CCDC88C: variants seen among roughly 807,000 people sequenced by gnomAD.
CCDC88C encodes the protein protein Daple.
A neutral mutation model predicts 198.8 loss-of-function variants in CCDC88C; 131 were observed. The ratio of observed to expected loss-of-function variants is 0.66; its 90% CI spans 0.57 to 0.76. The LOEUF (loss-of-function observed/expected upper bound fraction) is 0.76, where lower values mean the gene tolerates loss of function less well. Ranked by LOEUF, CCDC88C falls within the 30% of genes least tolerant of loss-of-function variation. The pLI is 0.00. For synonymous variants in CCDC88C, 1,166 were observed against 1,114.7 expected (o/e 1.05, Z -0.92); for missense variants, 2,553 against 2,631.6 (o/e 0.97, Z 0.65).
intron 3 of CCDC88C, among the ~76,000 whole-genome samples, chr14:91,367,042 G>C (rs1894575088): frequency 6.6e-6 from 1 of 152,232 alleles, no homozygotes; most frequent in South Asian, 2.1e-4. Context: ...CACTAGGACA[G>C]TTGGACCAAG....
At position 91,362,670 on chromosome 14, in the gene CCDC88C, C is replaced by A. The variant is rs561363629; in HGVS notation, c.271-2959G>T. Among the ~76,000 whole-genome samples, 3 of 152,286 alleles carry A rather than the reference C, an allele frequency of 2.0e-5. No individual in the cohort carries two copies. In the East Asian group the frequency reaches 5.8e-4, roughly 29 times the overall value. ...TTTTGCCGGGCGCGGTGGCTCACGC[C>A]TGTAATCCCAGCACTTTGGGAGGCT... On this transcript the variant is annotated intron_variant, in intron 3 of 29. Transcript: ENST00000389857.
Position 91,307,773 on chromosome 14 carries a change from G to A in CCDC88C, c.3007-547C>T, listed in dbSNP as rs141724809. Among the ~76,000 whole-genome samples, 3 of 152,354 alleles carry A rather than the reference G, an allele frequency of 2.0e-5. No homozygotes were observed. The East Asian group carries it at 5.8e-4, about 29-fold the overall frequency. On this transcript the variant is annotated intron_variant, in intron 17 of 29. Coordinates refer to ENST00000389857, the MANE Select transcript of CCDC88C (RefSeq NM_001080414.4). ...GTGTACACCTGTGTGTGAGGAGCAT[G>A]TGTTTGTGTGTGGAGTGTGCACACA...
chr14:91,344,270 G>T (rs908431907), intron 4 of CCDC88C, among the ~76,000 whole-genome samples: 5 of 152,092 alleles, frequency 3.3e-5, no homozygotes, highest in African/African-American at 1.2e-4. Context: ...CACAATGGGA[G>T]AGAACAACTC....
rs1174841744 is a variant in CCDC88C, at chr14:91,348,109, G to A, written c.341-4452C>T. Among the ~76,000 whole-genome samples the A allele has an allele frequency of 4.6e-5, 7 of 152,110 alleles. No homozygotes were observed. The East Asian group carries it at 1.2e-3, about 25-fold the overall frequency. The stretch of plus-strand genomic sequence containing the variant: ...CAACCTCTGCCTCCTGGGTTCAAGC[G>A]ATTCTCCTGCCTCAGCCTCCCGAGT... On this transcript the variant is annotated intron_variant, in intron 4 of 29. Coordinates refer to ENST00000389857, the MANE Select transcript of CCDC88C (RefSeq NM_001080414.4).
chr14:91,372,542 C>A (rs868508569), intron 3 of CCDC88C, among the ~76,000 whole-genome samples: 1 of 16,176 alleles, frequency 6.2e-5, no homozygotes, highest in South Asian at 1.3e-3. Flanking sequence ...GGGGGGCGGG[C>A]GGGGGGGGGA....
intron 4 of CCDC88C, among the ~76,000 whole-genome samples, chr14:91,348,131 G>A (rs558638497): frequency 7.2e-5 from 11 of 151,904 alleles, no homozygotes; most frequent in African/African-American, 2.4e-4. Context: ...TCAGCCTCCC[G>A]AGTAGCTGGG....
intron 25 of CCDC88C, among the ~76,000 whole-genome samples, chr14:91,286,616 T>C (rs1419202005): frequency 6.6e-6 from 1 of 152,186 alleles, no homozygotes; most frequent in Non-Finnish European, 1.5e-5. Context: ...CATTATTTCT[T>C]CCTCCACAGC....
intron 10 of CCDC88C, among the ~76,000 whole-genome samples, chr14:91,332,270 C>T (rs899733191): frequency 2.0e-5 from 3 of 152,184 alleles, no homozygotes; most frequent in Non-Finnish European, 4.4e-5. Context: ...CTGAGGGCAA[C>T]CCCCATGCCC....
At position 91,313,687 on chromosome 14, in the gene CCDC88C, C is replaced by A; in HGVS notation, c.2129G>T (p.Arg710Leu). The A allele has an allele frequency of 1.2e-6, 2 of 1,611,724 alleles. No homozygotes were observed. Among genetic ancestry groups the A allele is most frequent in the Non-Finnish European group, 8.5e-7 (1 of 1,179,880 alleles). Residue 710 changes from arginine to leucine, a missense_variant, in exon 15 of 30, where the codon CGC becomes CTC. Physicochemically the swap from Arg to Leu is moderately radical, Grantham distance 102. Transcript: ENST00000389857. This position sits in a 1 kb window ranked among gnomAD's most constrained non-coding sequence, Gnocchi z 5.2. The stretch of plus-strand genomic sequence containing the variant: ...GAAGCGCATGGTCTCCACCAGCCTG[C>A]GCAGCTCCAGGTTCTCTGCGTCCAG... ...KQLDAENLEL[R>L]RLVETMRFTS...
chr14:91,417,277 G>A (rs1003834302), intron 1 of CCDC88C: 2 of 684,882 alleles, frequency 2.9e-6, no homozygotes, highest in African/African-American at 3.5e-5. Context: ...GGAAGAATGG[G>A]GTCCTTTTCG....
In CCDC88C at chr14:91,283,369, G is replaced by T; in HGVS notation, c.4590C>A (p.Ser1530=). 6.2e-7 allele frequency: 1 copy of T among 1,613,822 alleles called. No homozygotes were observed. Among genetic ancestry groups the T allele is most frequent in the Non-Finnish European group, 8.5e-7 (1 of 1,179,856 alleles). ...GGTGCCGGGCGATGGGGGTGGAGTTGGAAGGGGCTGTAGTGGTGGCTGAAG... is the reference window on the plus strand; with the variant it reads ...GGTGCCGGGCGATGGGGGTGGAGTTTGAAGGGGCTGTAGTGGTGGCTGAAG... ...CSTSATTTAP[S]NSTPIARHPG... The change falls in exon 26 of 30, where the codon TCC becomes TCA. Residue 1530 remains serine (S), a synonymous_variant. Transcript: ENST00000389857.
At chr14:91,331,383 G>C (rs1220574070) in intron 10 of CCDC88C, among the ~76,000 whole-genome samples, 2 of 152,194 alleles carry the variant, frequency 1.3e-5, no homozygotes, top group African/African-American at 4.8e-5. Context: ...TGTTGCCTGG[G>C]GCCAGAGGAG....
At chr14:91,302,009 T>C (rs1891317339) in intron 20 of CCDC88C, among the ~76,000 whole-genome samples, 1 of 152,178 alleles carries the variant, frequency 6.6e-6, no homozygotes, top group Admixed American at 6.5e-5. Context: ...AGTAGTCTTA[T>C]AGTTTCAGAT....
In CCDC88C at chr14:91,371,361, C is replaced by T. The variant is rs538946919; in HGVS notation, c.271-11650G>A. 1.3e-5 allele frequency among the ~76,000 whole-genome samples: 2 copies of T among 152,044 alleles called. No homozygotes were observed. Among genetic ancestry groups the T allele is most frequent in the South Asian group, 2.1e-4 (1 of 4,814 alleles). On this transcript the variant is annotated intron_variant, in intron 3 of 29. Coordinates refer to ENST00000389857, the MANE Select transcript of CCDC88C (RefSeq NM_001080414.4). The surrounding 1 kb of genome is among the most constrained non-coding windows in gnomAD (Gnocchi z 4.2). ...GAGAAAGTGTGGCCAGAGGAAACTA[C>T]GGTATGCATGCAGGGTGGGCTGGGA...
intron 10 of CCDC88C, among the ~76,000 whole-genome samples, chr14:91,329,956 C>T (rs1892747210): frequency 6.6e-6 from 1 of 152,266 alleles, no homozygotes; most frequent in African/African-American, 2.4e-5. Flanking sequence ...AACTACTCAA[C>T]TCCACAGAGG....
At chr14:91,292,077 C>G (rs1890685113) in intron 23 of CCDC88C, among the ~76,000 whole-genome samples, 1 of 152,286 alleles carries the variant, frequency 6.6e-6, no homozygotes, top group African/African-American at 2.4e-5. Flanking sequence ...ACAGCTCATT[C>G]TCGAAGCTGC....
chr14:91,333,818 T>C (rs914319184), intron 10 of CCDC88C, among the ~76,000 whole-genome samples: 6 of 152,146 alleles, frequency 3.9e-5, no homozygotes, highest in African/African-American at 9.7e-5. Context: ...CTGATATAGG[T>C]AGACACAGAC....
chr14:91,290,359 C>T (rs1376589288), intron 24 of CCDC88C, among the ~76,000 whole-genome samples: 1 of 152,226 alleles, frequency 6.6e-6, no homozygotes, highest in Non-Finnish European at 1.5e-5. Flanking sequence ...GTTCTGGATT[C>T]CCAGAGAGAC....
rs369474755 is a variant in CCDC88C, at chr14:91,327,014, T to C, written c.1051-958A>G. ...GGAAGAAGTCAGTCCAGGGCGCACA[T>C]CTCCACTGTTCCTTTGCTACGGGCT... On this transcript the variant is annotated intron_variant, in intron 10 of 29. Coordinates refer to ENST00000389857, the MANE Select transcript of CCDC88C (RefSeq NM_001080414.4). 5.9e-5 allele frequency among the ~76,000 whole-genome samples: 9 copies of C among 152,338 alleles called. No homozygotes were observed. The East Asian group carries it at 9.6e-4, about 16-fold the overall frequency.
Sources: allele counts gnomAD v4.1 joint callset (sites outside exome capture counted in the v4.1 genomes callset), GRCh38; gene constraint gnomAD v4.1.1; non-coding constraint Gnocchi (gnomAD v3.1); transcripts MANE v1.5; gene names NCBI Gene and HGNC (gene_info 2026-07-23, HGNC 2026-07-21).